The following RTF1 variants were observed in gnomAD, a reference collection of about 807,000 sequenced individuals.
The protein encoded by RTF1 is RNA polymerase-associated protein RTF1 homolog.
A neutral mutation model predicts 95.7 loss-of-function variants in RTF1; 10 were observed. The ratio of observed to expected loss-of-function variants is 0.10; its 90% CI spans 0.06 to 0.18. The LOEUF (loss-of-function observed/expected upper bound fraction) is 0.18. Among genes scored for constraint, RTF1 ranks in the 10% least tolerant of loss-of-function variants. The pLI is 1.00. For synonymous variants in RTF1, 305 were observed against 311.8 expected, an observed-to-expected ratio of 0.98 and a Z score of 0.23; for missense variants, 458 against 875.6, an observed-to-expected ratio of 0.52 and a Z score of 6.02.
At chr15:41,436,623 CAAA>C (rs1217444789) in intron 1 of RTF1, among the ~76,000 whole-genome samples, 15 of 50,800 alleles carry the variant, frequency 3.0e-4, no homozygotes, top group Non-Finnish European at 4.1e-4. Context: ...GACTCTGTCT[CAAA>C]AAAAAAAAAA....
intron 4 of RTF1, among the ~76,000 whole-genome samples, chr15:41,463,292 T>C (rs2050860861): frequency 6.6e-6 from 1 of 152,172 alleles, no homozygotes; most frequent in Non-Finnish European, 1.5e-5. Context: ...TGAACGTTTA[T>C]ATACAACAAT....
chr15:41,437,748 T>G (rs1477071513), intron 1 of RTF1, among the ~76,000 whole-genome samples: 1 of 152,086 alleles, frequency 6.6e-6, no homozygotes, highest in African/African-American at 2.4e-5. Flanking sequence ...GCAGAGGTGG[T>G]GAATTGGGAG....
chr15:41,469,674 G>A (rs539401458), intron 6 of RTF1, among the ~76,000 whole-genome samples: 177 of 151,754 alleles, frequency 1.2e-3, no homozygotes, highest in Admixed American at 2.0e-3. Context: ...AACAGGTGCC[G>A]GCCACAATGC....
intron 3 of RTF1, among the ~76,000 whole-genome samples, chr15:41,456,548 G>C (rs966061799): frequency 2.0e-5 from 3 of 151,118 alleles, no homozygotes; most frequent in Non-Finnish European, 2.9e-5. Context: ...TGTAATTCCA[G>C]CACTTTGGGA....
At chr15:41,421,709 CTT>C (rs752702270) in intron 1 of RTF1, among the ~76,000 whole-genome samples, 30 of 127,382 alleles carry the variant, frequency 2.4e-4, no homozygotes, top group East Asian at 2.3e-4. Context: ...ACTACTGGTT[CTT>C]TTTTTTTTTT....
At chr15:41,433,664 GA>G (rs34520870) in intron 1 of RTF1, among the ~76,000 whole-genome samples, 49 of 151,956 alleles carry the variant, frequency 3.2e-4, no homozygotes, top group Middle Eastern at 3.4e-3. Context: ...AGTAATATGG[GA>G]AAAAAGGTAA....
Position 41,474,721 on chromosome 15 carries a change from G to T in RTF1, c.1286+19G>T, listed in dbSNP as rs753835145. The T allele has an allele frequency of 1.8e-5, 29 of 1,585,144 alleles. No individual in the cohort carries two copies. The highest frequency in any genetic ancestry group is 2.4e-5 in the Non-Finnish European group (28 of 1,153,658). On this transcript the variant is annotated intron_variant, in intron 9 of 17. Coordinates refer to ENST00000389629, the MANE Select transcript of RTF1 (RefSeq NM_015138.5). Reference sequence around the variant, plus strand: ...AACTACGGTAGGAGGCACTTCTGGGGTAGCTTCTGCTTCCACTTCAAACAG... The same window carrying T: ...AACTACGGTAGGAGGCACTTCTGGGTTAGCTTCTGCTTCCACTTCAAACAG...
At chr15:41,418,228 A>AT (rs2050581834) in intron 1 of RTF1, among the ~76,000 whole-genome samples, 1 of 152,226 alleles carries the variant, frequency 6.6e-6, no homozygotes, top group Non-Finnish European at 1.5e-5. Flanking sequence ...CTGTTTAATG[A>AT]GCAAATGATG....
intron 2 of RTF1, among the ~76,000 whole-genome samples, chr15:41,446,552 C>T (rs1457662155): frequency 2.8e-5 from 4 of 144,828 alleles, no homozygotes; most frequent in Non-Finnish European, 3.0e-5. Context: ...AGCAAGACTC[C>T]GTCTCAAAAA....
intron 3 of RTF1, 32 bp downstream of exon 3, chr15:41,453,080 A>T (rs199640276): frequency 8.8e-5 from 133 of 1,508,780 alleles, no homozygotes; most frequent in Non-Finnish European, 1.1e-4. Context: ...TGGAAGGTCA[A>T]CTCCCACTCT....
At chr15:41,439,029 T>C (rs1424901304) in intron 2 of RTF1, among the ~76,000 whole-genome samples, 1 of 151,270 alleles carries the variant, frequency 6.6e-6, no homozygotes, top group Admixed American at 6.6e-5. Context: ...ATTTTTTCTT[T>C]TATTTTCTTT....
chr15:41,476,224 G>T (rs2050941213), intron 11 of RTF1, among the ~76,000 whole-genome samples: 1 of 152,140 alleles, frequency 6.6e-6, no homozygotes, highest in Non-Finnish European at 1.5e-5. Flanking sequence ...CTGTTTCTTG[G>T]TGCATGTTCC....
chr15:41,451,703 C>T lies in RTF1; in HGVS notation c.310-1198C>T, dbSNP rs181141035. Among the ~76,000 whole-genome samples the T allele has an allele frequency of 2.1e-3, 319 of 152,342 alleles. 1 individual carries two copies. Among genetic ancestry groups the T allele is most frequent in the Non-Finnish European group, 3.0e-3 (203 of 68,032 alleles). On this transcript the variant is annotated intron_variant, in intron 2 of 17. Transcript: ENST00000389629. ...AAAGAATGGCCTTCATCCTTTCTCACTGTGCTTTCTGCAGTTTTCTCCTGG... is the reference window on the plus strand; with the variant it reads ...AAAGAATGGCCTTCATCCTTTCTCATTGTGCTTTCTGCAGTTTTCTCCTGG...
intron 2 of RTF1, among the ~76,000 whole-genome samples, chr15:41,440,523 C>G (rs1595429509): frequency 1.5e-5 from 2 of 134,076 alleles, no homozygotes; most frequent in South Asian, 4.8e-4. Flanking sequence ...CAGAGTCTCG[C>G]TCTGTTGCCA....
intron 1 of RTF1, among the ~76,000 whole-genome samples, chr15:41,419,612 G>A (rs534759481): frequency 7.9e-5 from 12 of 152,230 alleles, no homozygotes; most frequent in African/African-American, 2.4e-4. Flanking sequence ...TACATTAAAA[G>A]GATTATTTGG....
At chr15:41,425,308 G>A (rs571811523) in intron 1 of RTF1, among the ~76,000 whole-genome samples, 1 of 152,100 alleles carries the variant, frequency 6.6e-6, no homozygotes, top group East Asian at 1.9e-4. Flanking sequence ...GTTTCACCAT[G>A]TTAGCCAGGA....
At chr15:41,436,051 A>C (rs2050700083) in intron 1 of RTF1, among the ~76,000 whole-genome samples, 2 of 152,068 alleles carry the variant, frequency 1.3e-5, no homozygotes, top group Admixed American at 1.3e-4. Flanking sequence ...TCACACCTGT[A>C]ATCCCAGCAC....
intron 9 of RTF1, among the ~76,000 whole-genome samples, 200 bp from the exon 10 acceptor site, chr15:41,475,325 C>T (rs907723904): frequency 6.6e-6 from 1 of 152,134 alleles, no homozygotes; most frequent in African/African-American, 2.4e-5. Context: ...CTGACCAAGC[C>T]CATTTGGTTT....
intron 1 of RTF1, among the ~76,000 whole-genome samples, chr15:41,433,239 G>T (rs1430383429): frequency 2.0e-5 from 3 of 152,008 alleles, no homozygotes; most frequent in African/African-American, 7.2e-5. Flanking sequence ...CATAGTGAGA[G>T]TCCATCTCAA....
Sources: gnomAD v4.1 joint callset for allele counts (sites outside exome capture counted in the v4.1 genomes callset) on GRCh38, gnomAD v4.1.1 for gene constraint, MANE v1.5 for transcripts, NCBI Gene and HGNC (gene_info 2026-07-23, HGNC 2026-07-21) for gene names.